The following DCAF16 variants were observed in gnomAD, a reference collection of about 807,000 sequenced individuals.
The protein encoded by DCAF16 is DDB1 and CUL4 associated factor 16, also known as DDB1- and CUL4-associated factor 16.
A neutral mutation model predicts 17.3 loss-of-function variants in DCAF16; 10 were observed. That is an observed-to-expected ratio of 0.58 (90% CI 0.36 to 0.98). The LOEUF (loss-of-function observed/expected upper bound fraction) is 0.98. Among genes scored for constraint, DCAF16 ranks in the 50% least tolerant of loss-of-function variants. The pLI, the probability that DCAF16 is intolerant of heterozygous loss-of-function variation, is 0.01. For synonymous variants in DCAF16, 111 were observed against 92.8 expected (o/e 1.20, Z -1.12); for missense variants, 249 against 247.6 (o/e 1.01, Z -0.04).
At chr4:17,807,941 GCA>G (rs3217049) in intron 1 of DCAF16, among the ~76,000 whole-genome samples, 20,125 of 152,116 alleles carry the variant, frequency 0.13, 1,463 homozygotes, top group South Asian at 0.24. Context: ...CACACTCCTA[GCA>G]CAGTGTCTGG....
Position 17,801,133 on chromosome 4 carries a change from A to C in DCAF16, c.*2358T>G, listed in dbSNP as rs1719731512. ...TATATTTACACAATTTGTGATTCCT[A>C]ACCTTTTTTTTTTTTGAGACGGTGT... On this transcript the variant is annotated 3_prime_UTR_variant, in exon 3 of 3. Transcript: ENST00000382247. The C allele has an allele frequency of 6.6e-6, 1 of 150,988 alleles. No individual in the cohort carries two copies. 9.4% of individuals were successfully genotyped at this position (150,988 alleles called of 1,614,324 possible).
downstream of DCAF16, among the ~76,000 whole-genome samples, chr4:17,799,958 T>C (rs1404942866): frequency 6.6e-6 from 1 of 151,986 alleles, no homozygotes; most frequent in African/African-American, 2.4e-5. Context: ...GAGACCAGCC[T>C]GACCAATTGA....
chr4:17,806,745 G>C (rs976041988), intron 1 of DCAF16, among the ~76,000 whole-genome samples: 1 of 152,160 alleles, frequency 6.6e-6, no homozygotes, highest in Non-Finnish European at 1.5e-5. Flanking sequence ...TGTTTAAACA[G>C]TAAGGGAGTT....
In DCAF16 at chr4:17,800,785, T is replaced by C. The variant is rs1376544829; in HGVS notation, c.*2706A>G. 6.6e-6 allele frequency: 1 copy of C among 152,622 alleles called. No individual in the cohort carries two copies. Among genetic ancestry groups the C allele is most frequent in the African/African-American group, 2.4e-5 (1 of 41,444 alleles). The allele number at this position is 152,622 out of a possible 1,614,324, so 9.5% of individuals were successfully genotyped here. ...ACACACAGAGAGAAAAAGGAACGTA[T>C]TATGAACACATGAACATAAACATAT... is the stretch of plus-strand genomic sequence containing the variant. On this transcript the variant is annotated 3_prime_UTR_variant, in exon 3 of 3. Coordinates refer to ENST00000382247, the MANE Select transcript of DCAF16 (RefSeq NM_017741.4).
chr4:17,803,727 C>T lies in DCAF16; in HGVS notation c.415G>A (p.Ala139Thr). 1.9e-6 allele frequency: 3 copies of T among 1,614,142 alleles called. No individual in the cohort carries two copies. Among genetic ancestry groups the T allele is most frequent in the Non-Finnish European group, 2.5e-6 (3 of 1,180,034 alleles). Residue 139 changes from alanine (A) to threonine (T), a missense_variant, in exon 3 of 3, where the codon GCC (alanine) becomes ACC (threonine). Coordinates refer to ENST00000382247, the MANE Select transcript of DCAF16 (RefSeq NM_017741.4). ...AATTGCAGTGCTCCATTTAGAGTGG[C>T]ATGATCTCTAGAGAGCCGGCTGGGA... ...TSPSRLSRDHATLNGALQFAT... is the reference protein window; with the variant it reads ...TSPSRLSRDHTTLNGALQFAT...
At chr4:17,807,142 TAAA>T (rs990959288) in intron 1 of DCAF16, among the ~76,000 whole-genome samples, 1 of 152,170 alleles carries the variant, frequency 6.6e-6, no homozygotes, top group Non-Finnish European at 1.5e-5. Context: ...TATAGTTAGT[TAAA>T]TATAATACAG....
At chr4:17,808,349 C>A (rs995522826) in intron 1 of DCAF16, among the ~76,000 whole-genome samples, 1 of 152,176 alleles carries the variant, frequency 6.6e-6, no homozygotes, top group African/African-American at 2.4e-5. Flanking sequence ...ATTTTCACTT[C>A]AACCAGATTG....
chr4:17,800,203 T>C (rs1719642123), downstream of DCAF16, among the ~76,000 whole-genome samples: 1 of 151,476 alleles, frequency 6.6e-6, no homozygotes, highest in African/African-American at 2.4e-5. Flanking sequence ...AGACAGTTAA[T>C]GTCCACTGGT....
downstream of DCAF16, among the ~76,000 whole-genome samples, chr4:17,800,216 A>T (rs1190683343): frequency 6.6e-6 from 1 of 151,800 alleles, no homozygotes; most frequent in African/African-American, 2.4e-5. Flanking sequence ...CCACTGGTTT[A>T]GAAATAGTTT....
downstream of DCAF16, among the ~76,000 whole-genome samples, chr4:17,795,651 TTTGGA>T (rs1042874977): frequency 6.6e-6 from 1 of 152,256 alleles, no homozygotes; most frequent in Non-Finnish European, 1.5e-5. Context: ...AGCTTTTGTT[TTTGGA>T]TTGGTCATTT....
chr4:17,808,743 T>C (rs1167195461), intron 1 of DCAF16, among the ~76,000 whole-genome samples: 1 of 152,120 alleles, frequency 6.6e-6, no homozygotes, highest in African/African-American at 2.4e-5. Context: ...AGTAAAGAAA[T>C]ACTAGCCGGG....
intron 1 of DCAF16, among the ~76,000 whole-genome samples, chr4:17,808,700 T>A (rs1187257534): frequency 1.3e-5 from 2 of 152,214 alleles, no homozygotes; most frequent in East Asian, 3.9e-4. Context: ...AATGGTGTGA[T>A]GTCTCTGTTG....
chr4:17,797,171 G>A (rs1264998786), downstream of DCAF16, among the ~76,000 whole-genome samples: 1 of 152,080 alleles, frequency 6.6e-6, no homozygotes, highest in African/African-American at 2.4e-5. Flanking sequence ...ACACATACTG[G>A]AAAGAGTCAA....
chr4:17,794,387 A>G, the DCAF16 span, among the ~76,000 whole-genome samples: 2 of 152,278 alleles, frequency 1.3e-5, no homozygotes, highest in East Asian at 3.9e-4. Context: ...CTGTCACATG[A>G]GGTCAGGTGT....
chr4:17,804,025 C>T lies in DCAF16; in HGVS notation c.117G>A (p.Glu39=). The change falls in exon 3 of 3, where the codon GAG becomes GAA. Residue 39 remains glutamate, a synonymous_variant. Coordinates refer to ENST00000382247, the MANE Select transcript of DCAF16 (RefSeq NM_017741.4). The stretch of plus-strand genomic sequence containing the variant: ...GCGATAAGTTGGGCACCATAGAGTC[C>T]TCTTCTTCAGAGGAATCCCACTCTT... ...SGEEWDSSEE[E]DSMVPNLSPL... is the part of the protein sequence containing the mutation. 1 of 1,614,160 alleles carries T rather than the reference C, an allele frequency of 6.2e-7. No homozygotes were observed. Among genetic ancestry groups the T allele is most frequent in the Non-Finnish European group, 8.5e-7 (1 of 1,180,026 alleles).
chr4:17,806,729 A>G (rs1217499411), intron 1 of DCAF16, among the ~76,000 whole-genome samples: 1 of 152,208 alleles, frequency 6.6e-6, no homozygotes, highest in East Asian at 1.9e-4. Flanking sequence ...ATATAGCCAA[A>G]TGAACTGTTT....
chr4:17,799,722 T>C (rs943203360), downstream of DCAF16, among the ~76,000 whole-genome samples: 2 of 152,182 alleles, frequency 1.3e-5, no homozygotes, highest in African/African-American at 4.8e-5. Context: ...AGGGCTTCTA[T>C]CCCCTAGAGG....
chr4:17,798,057 G>T (rs781354182), downstream of DCAF16, among the ~76,000 whole-genome samples: 13 of 152,200 alleles, frequency 8.5e-5, no homozygotes, highest in Non-Finnish European at 1.8e-4. Context: ...ATACTAGGAA[G>T]TCAGTTTTAA....
chr4:17,802,385 C>T lies in DCAF16; in HGVS notation c.*1106G>A, dbSNP rs192219770. 2 of 152,474 alleles carry T rather than the reference C, an allele frequency of 1.3e-5. No individual in the cohort carries two copies. The highest frequency in any genetic ancestry group is 1.3e-4 in the Admixed American group (2 of 15,264). The allele number at this position is 152,474 out of a possible 1,614,324, so 9.4% of individuals were successfully genotyped here. ...GGATGATCTTATAGGCTGATTTAGT[C>T]AGAGACAGCCTGGTGGGAGACTCCG... On this transcript the variant is annotated 3_prime_UTR_variant, in exon 3 of 3. Coordinates refer to ENST00000382247, the MANE Select transcript of DCAF16 (RefSeq NM_017741.4).
Sources: gnomAD v4.1 joint callset for allele counts (sites outside exome capture counted in the v4.1 genomes callset) on GRCh38, gnomAD v4.1.1 for gene constraint, MANE v1.5 for transcripts, NCBI Gene and HGNC (gene_info 2026-07-23, HGNC 2026-07-21) for gene names.